The following ZFAT variants were observed in gnomAD, a reference collection of about 807,000 sequenced individuals.
The protein encoded by ZFAT is zinc finger and AT-hook domain containing.
ZFAT carries 64 observed loss-of-function variants against 117.7 expected under a neutral mutation model. The observed-to-expected ratio is 0.54, with a 90% CI of 0.44 to 0.67. The LOEUF (loss-of-function observed/expected upper bound fraction) is 0.67, where lower values mean the gene tolerates loss of function less well. Among genes scored for constraint, ZFAT ranks in the 30% least tolerant of loss-of-function variants. The probability of loss-of-function intolerance (pLI) is 0.00; values close to 1 mark genes in which losing one functional copy is unlikely to be tolerated. For synonymous variants in ZFAT, 679 were observed against 615.0 expected, an observed-to-expected ratio of 1.10 and a Z score of -1.54; for missense variants, 1,433 against 1,584.5, an observed-to-expected ratio of 0.90 and a Z score of 1.62.
chr8:134,598,883 T>C (rs1827175432), intron 7 of ZFAT: 1 of 152,178 alleles, frequency 6.6e-6, no homozygotes, highest in Non-Finnish European at 1.5e-5. Context: ...GGCAAATAGG[T>C]CACATGACTT....
chr8:134,685,750 C>T (rs985478777), intron 1 of ZFAT, among the ~76,000 whole-genome samples: 1 of 152,188 alleles, frequency 6.6e-6, no homozygotes, highest in Non-Finnish European at 1.5e-5. Flanking sequence ...GCGACATATA[C>T]GTGCTAACAT....
intron 11 of ZFAT, among the ~76,000 whole-genome samples, chr8:134,558,708 G>T (rs1823829958): frequency 6.6e-6 from 1 of 152,194 alleles, no homozygotes; most frequent in South Asian, 2.1e-4. Flanking sequence ...ATTTTCAAGA[G>T]ATAGGGGAGG....
the ZFAT span, among the ~76,000 whole-genome samples, chr8:134,828,061 GTCC>G: frequency 6.6e-5 from 10 of 152,182 alleles, no homozygotes; most frequent in South Asian, 2.1e-4. Flanking sequence ...TTGTAATTGT[GTCC>G]TCATTAATCA....
At chr8:134,818,818 T>C in the ZFAT span, among the ~76,000 whole-genome samples, 2 of 152,214 alleles carry the variant, frequency 1.3e-5, no homozygotes, top group South Asian at 2.1e-4. Flanking sequence ...CTCCAAATAA[T>C]GCTGGGTGAA....
the ZFAT span, among the ~76,000 whole-genome samples, chr8:134,831,205 C>T: frequency 6.6e-6 from 1 of 152,202 alleles, no homozygotes; most frequent in Non-Finnish European, 1.5e-5. Context: ...TTCAGACACA[C>T]ATCACCTTGC....
chr8:134,509,927 G>T (rs979022092), intron 14 of ZFAT, 178 bp from the exon 15 acceptor site: 1 of 749,854 alleles, frequency 1.3e-6, no homozygotes, highest in African/African-American at 1.8e-5. Flanking sequence ...AGCTTACAAA[G>T]CATTTTCTAT....
intron 6 of ZFAT, 144 bp downstream of exon 6, chr8:134,601,333 G>A (rs1486511764): frequency 1.0e-5 from 13 of 1,242,576 alleles, no homozygotes; most frequent in Non-Finnish European, 1.4e-5. Context: ...GGCCACACAG[G>A]GTCACCGTTC....
intron 5 of ZFAT, among the ~76,000 whole-genome samples, chr8:134,606,337 A>C (rs1172312251): frequency 6.6e-6 from 1 of 152,254 alleles, no homozygotes; most frequent in African/African-American, 2.4e-5. Flanking sequence ...CTATATCCTC[A>C]TGAAGTTATG....
intron 3 of ZFAT, among the ~76,000 whole-genome samples, chr8:134,630,550 T>G (rs1563698690): frequency 6.6e-6 from 1 of 152,206 alleles, no homozygotes; most frequent in Non-Finnish European, 1.5e-5. Flanking sequence ...AGGAAGAATT[T>G]AATGAGAATA....
chr8:134,685,173 G>A (rs1218593970), intron 1 of ZFAT, among the ~76,000 whole-genome samples: 2 of 151,990 alleles, frequency 1.3e-5, no homozygotes, highest in Non-Finnish European at 2.9e-5. Context: ...CACCACCACC[G>A]TCACCATCCC....
At chr8:134,578,603 T>G (rs548651557) in intron 10 of ZFAT, among the ~76,000 whole-genome samples, 12 of 152,118 alleles carry the variant, frequency 7.9e-5, no homozygotes, top group Non-Finnish European at 1.6e-4. Context: ...GGCCTTTGTT[T>G]CCACAGGATC....
At chr8:134,484,333 T>C (rs1038385814) in intron 15 of ZFAT, among the ~76,000 whole-genome samples, 2 of 152,226 alleles carry the variant, frequency 1.3e-5, no homozygotes, top group Admixed American at 6.5e-5. Flanking sequence ...TACCAACCTA[T>C]AGCTGTAGAA....
chr8:134,760,128 C>T, the ZFAT span, among the ~76,000 whole-genome samples: 11 of 151,294 alleles, frequency 7.3e-5, no homozygotes, highest in South Asian at 2.1e-4. Flanking sequence ...ATTAGCTGGG[C>T]GCAGTGACGG....
the ZFAT span, among the ~76,000 whole-genome samples, chr8:134,722,568 G>A: frequency 3.3e-5 from 5 of 152,226 alleles, no homozygotes; most frequent in Admixed American, 3.3e-4. Flanking sequence ...AACGATCCGT[G>A]GTGTCACCTC....
intron 11 of ZFAT, among the ~76,000 whole-genome samples, chr8:134,546,676 T>A (rs1013529573): frequency 2.6e-5 from 4 of 152,178 alleles, no homozygotes; most frequent in African/African-American, 9.7e-5. Flanking sequence ...CCATGTACAG[T>A]GGAGAGGTCT....
chr8:134,603,130 T>G (rs1827639039), intron 5 of ZFAT, among the ~76,000 whole-genome samples, 197 bp from the exon 6 acceptor site: 1 of 152,090 alleles, frequency 6.6e-6, no homozygotes, highest in African/African-American at 2.4e-5. Context: ...GCTCACAGTC[T>G]TGGGGGAGGG....
intron 1 of ZFAT, among the ~76,000 whole-genome samples, chr8:134,690,049 T>G (rs1461295827): frequency 1.3e-5 from 2 of 152,282 alleles, no homozygotes; most frequent in African/African-American, 4.8e-5. Context: ...TTAAATTTTG[T>G]GTACTAAGTC....
At chr8:134,685,511 C>A (rs1434703339) in intron 1 of ZFAT, among the ~76,000 whole-genome samples, 1 of 152,156 alleles carries the variant, frequency 6.6e-6, no homozygotes, top group African/African-American at 2.4e-5. Context: ...TAATTTACTA[C>A]AGCAATTCAT....
intron 1 of ZFAT, among the ~76,000 whole-genome samples, chr8:134,691,242 C>T (rs1420238638): frequency 6.6e-6 from 1 of 152,262 alleles, no homozygotes; most frequent in African/African-American, 2.4e-5. Context: ...AGGCCAGTCC[C>T]TCCCATAGCC....
Sources: allele counts gnomAD v4.1 joint callset (sites outside exome capture counted in the v4.1 genomes callset), GRCh38; gene constraint gnomAD v4.1.1; transcripts MANE v1.5; gene names NCBI Gene and HGNC (gene_info 2026-07-23, HGNC 2026-07-21).